The following FARP2 variants were observed in gnomAD, a reference collection of about 807,000 sequenced individuals.
FARP2 encodes FERM, ARHGEF and pleckstrin domain-containing protein 2.
A neutral mutation model predicts 130.5 loss-of-function variants in FARP2; 111 were observed. That is an observed-to-expected ratio of 0.85 (90% CI 0.73 to 1.00). The LOEUF (loss-of-function observed/expected upper bound fraction) is 1.00, where lower values mean the gene tolerates loss of function less well. Ranked by LOEUF, FARP2 falls within the 50% of genes least tolerant of loss-of-function variation. The probability of loss-of-function intolerance (pLI) is 0.00; values close to 1 mark genes in which losing one functional copy is unlikely to be tolerated. For synonymous variants in FARP2, 504 were observed against 516.9 expected (o/e 0.98, Z 0.34); for missense variants, 1,385 against 1,346.3 (o/e 1.03, Z -0.45).
At chr2:241,466,297 T>A (rs2064167620) in intron 17 of FARP2, 1 of 985,278 alleles carries the variant, frequency 1.0e-6, no homozygotes, top group African/African-American at 1.7e-5. Context: ...GTAGTGCTTG[T>A]CTTGGAAAGA....
chr2:241,464,325 G>A, intron 17 of FARP2, among the ~76,000 whole-genome samples: 1 of 151,042 alleles, frequency 6.6e-6, no homozygotes, highest in Admixed American at 6.6e-5. Flanking sequence ...CTCAGAGCAG[G>A]GTCCCCCCAG....
At position 241,465,482 on chromosome 2, in the gene FARP2, A is replaced by G. The variant is rs1199342037; in HGVS notation, c.1893+1502A>G. The G allele has an allele frequency of 5.8e-6, 9 of 1,550,570 alleles. No homozygotes were observed. In the South Asian group the frequency reaches 9.5e-5, roughly 16 times the overall value. ...CAGGTGTTCCAGCTCCACGAAGGGC[A>G]TGTAGCAGGGGTCACAAAAATGGAG... is the stretch of plus-strand genomic sequence containing the variant. On this transcript the variant is annotated intron_variant, in intron 17 of 26. Transcript: ENST00000264042.
At chr2:241,399,584 A>G (rs1358503629) in intron 2 of FARP2, among the ~76,000 whole-genome samples, 2 of 152,234 alleles carry the variant, frequency 1.3e-5, no homozygotes, top group Non-Finnish European at 2.9e-5. Context: ...TGCTGGGATT[A>G]CAGGCATGAG....
At chr2:241,425,218 CA>C (rs898579937) in intron 8 of FARP2, among the ~76,000 whole-genome samples, 8 of 151,210 alleles carry the variant, frequency 5.3e-5, no homozygotes, top group Non-Finnish European at 1.0e-4. Flanking sequence ...AAAACAAAAA[CA>C]AAAAAAACCC....
At chr2:241,411,993 A>G (rs1372495438) in intron 6 of FARP2, among the ~76,000 whole-genome samples, 2 of 152,216 alleles carry the variant, frequency 1.3e-5, no homozygotes, top group African/African-American at 2.4e-5. Context: ...CAACGAATGC[A>G]ATGTATGACT....
At chr2:241,492,147 C>G (rs983673302) in intron 24 of FARP2, among the ~76,000 whole-genome samples, 3 of 152,164 alleles carry the variant, frequency 2.0e-5, no homozygotes, top group Admixed American at 6.5e-5. Context: ...CACCCTTCCC[C>G]AAGCCTGCTG....
chr2:241,398,572 CT>C (rs35797376), intron 2 of FARP2, among the ~76,000 whole-genome samples: 2,083 of 139,144 alleles, frequency 0.015, 27 homozygotes, highest in African/African-American at 0.045. Flanking sequence ...TGTGAACATT[CT>C]TTTTTTTTTT....
intron 1 of FARP2, among the ~76,000 whole-genome samples, chr2:241,371,811 A>G (rs751291062): frequency 1.3e-5 from 2 of 152,160 alleles, no homozygotes; most frequent in African/African-American, 2.4e-5. Context: ...AACATAAGAC[A>G]TTTCACAAGG....
rs1480877268 is a variant in FARP2 at position 241,407,553 on chromosome 2, G to C, written c.348G>C (p.Val116=). Residue 116 remains valine (V), a synonymous_variant, in exon 5 of 27, where the codon GTG becomes GTC. Coordinates refer to ENST00000264042, the MANE Select transcript of FARP2 (RefSeq NM_014808.4). ...IRQIRRPKNV[V]LRLAVKFFPP... ...TTGTTATAGGGCCAAAGAATGTGGT[G>C]CTTCGCCTAGCTGTAAAATTTTTTC... The C allele has an allele frequency of 3.1e-6, 5 of 1,613,878 alleles. No homozygotes were observed. The African/African-American group carries it at 6.7e-5, about 22-fold the overall frequency.
intron 4 of FARP2, among the ~76,000 whole-genome samples, chr2:241,407,090 G>C (rs113231082): frequency 0.091 from 13,814 of 152,278 alleles, 646 homozygotes; most frequent in Middle Eastern, 0.15. Flanking sequence ...TTACAGGCGT[G>C]AGCCACCGCG....
chr2:241,357,030 C>T (rs915079931), intron 1 of FARP2, among the ~76,000 whole-genome samples: 1 of 152,238 alleles, frequency 6.6e-6, no homozygotes, highest in African/African-American at 2.4e-5. Context: ...ACATTACACA[C>T]CCGAATTACG....
chr2:241,462,460 C>G (rs1490548147), intron 14 of FARP2, 63 bp from the exon 15 acceptor site: 1 of 1,179,436 alleles, frequency 8.5e-7, no homozygotes, highest in African/African-American at 1.5e-5. Flanking sequence ...ACTTCAGGCT[C>G]CCTGAGCGTG....
At position 241,425,897 on chromosome 2, in the gene FARP2, A is replaced by G. The variant is rs542683176; in HGVS notation, c.772-5782A>G. On this transcript the variant is annotated intron_variant, in intron 8 of 26. Transcript: ENST00000264042. ...TTTTTGAGACTACAGTTTTATTATT[A>G]CTCAAATCAGTTTCCCCGAGCATTT... Among the ~76,000 whole-genome samples the G allele has an allele frequency of 2.0e-5, 3 of 148,920 alleles. No individual in the cohort carries two copies. The South Asian group carries it at 6.4e-4, about 32-fold the overall frequency.
intron 13 of FARP2, among the ~76,000 whole-genome samples, chr2:241,449,170 AT>A (rs1345845837): frequency 4.6e-5 from 7 of 152,104 alleles, no homozygotes; most frequent in African/African-American, 1.7e-4. Context: ...GGAATTAACA[AT>A]TCATTTGGCC....
chr2:241,468,404 C>A, intron 18 of FARP2, 27 bp downstream of exon 18: 1 of 1,566,608 alleles, frequency 6.4e-7, no homozygotes, highest in South Asian at 1.1e-5. Flanking sequence ...CCCTGCATCT[C>A]AAGGATCAGC....
rs986870170 is a variant in FARP2, at chr2:241,492,810, G to A, written c.2788-119G>A. ...AGCTGCTGTTCATAGCAGTCCAGAG[G>A]TAAAACCAAGGCCTCAGCTGGAGAA... is the stretch of plus-strand genomic sequence containing the variant. On this transcript the variant is annotated intron_variant, in intron 24 of 26. Coordinates refer to ENST00000264042, the MANE Select transcript of FARP2 (RefSeq NM_014808.4). The A allele has an allele frequency of 7.7e-6, 5 of 653,038 alleles. No individual in the cohort carries two copies. In the African/African-American group the frequency reaches 9.1e-5, roughly 12 times the overall value. The allele number at this position is 653,038 out of a possible 1,614,324, so 40.5% of individuals were successfully genotyped here. A position where few individuals can be genotyped will look rare whatever the true frequency, so the allele number is the denominator to read the frequency against.
At chr2:241,452,403 T>TA (rs576522172) in intron 13 of FARP2, among the ~76,000 whole-genome samples, 73 of 144,936 alleles carry the variant, frequency 5.0e-4, no homozygotes, top group Middle Eastern at 3.6e-3. Context: ...GTTTTAAAAA[T>TA]AAAAAAAAAA....
rs757297952 is a variant in FARP2 at position 241,491,171 on chromosome 2, G to A, written c.2615G>A (p.Arg872His). The A allele has an allele frequency of 1.7e-5, 27 of 1,608,766 alleles. No homozygotes were observed. The highest frequency in any genetic ancestry group is 9.9e-5 in the South Asian group (9 of 90,996). The change falls in exon 23 of 27, where the codon CGT becomes CAT. Residue 872 changes from arginine to histidine, a missense_variant. Physicochemically the swap from Arg to His is conservative, Grantham distance 29 (BLOSUM62 0). Transcript: ENST00000264042. The part of the protein sequence containing the change: ...PALPGRTVCT[R>H]PPRSPNEVSL... ...CTGCCAGGCCGCACTGTGTGCACTCGTCCCCCCAGTGAGTGCTGGCCACAA... is the reference window on the plus strand; with the variant it reads ...CTGCCAGGCCGCACTGTGTGCACTCATCCCCCCAGTGAGTGCTGGCCACAA...
chr2:241,361,868 T>TGTA (rs1296048472), intron 1 of FARP2, among the ~76,000 whole-genome samples: 1 of 151,550 alleles, frequency 6.6e-6, no homozygotes, highest in Non-Finnish European at 1.5e-5. Context: ...TCTTGTCCCC[T>TGTA]TTATTATTAT....
Sources: allele counts gnomAD v4.1 joint callset (sites outside exome capture counted in the v4.1 genomes callset), GRCh38; gene constraint gnomAD v4.1.1; transcripts MANE v1.5; gene names NCBI Gene and HGNC (gene_info 2026-07-23, HGNC 2026-07-21).